The following TGFBI variants were observed in gnomAD, a reference collection of about 807,000 sequenced individuals.
TGFBI encodes the protein transforming growth factor beta induced.
A neutral mutation model predicts 73.7 loss-of-function variants in TGFBI; 50 were observed. That is an observed-to-expected ratio of 0.68 (90% confidence interval 0.54 to 0.86). The LOEUF (loss-of-function observed/expected upper bound fraction) is 0.86, where lower values mean the gene tolerates loss of function less well. TGFBI is among the 40% of genes least tolerant of loss of function. The pLI is 0.00. For synonymous variants in TGFBI, 362 were observed against 360.5 expected, an observed-to-expected ratio of 1.00 and a Z score of -0.05; for missense variants, 839 against 877.0, an observed-to-expected ratio of 0.96 and a Z score of 0.55.
At chr5:136,052,864 G>A (rs764984120) in intron 7 of TGFBI, 43 bp from the exon 8 acceptor site, 18 of 1,590,884 alleles carry the variant, frequency 1.1e-5, no homozygotes, top group African/African-American at 6.7e-5. Context: ...TGAGGTTATC[G>A]TGGAGTGGAC....
chr5:136,032,673 C>T (rs571069667), intron 1 of TGFBI, among the ~76,000 whole-genome samples: 1 of 152,260 alleles, frequency 6.6e-6, no homozygotes, highest in Non-Finnish European at 1.5e-5. Context: ...ATTTGCTTTC[C>T]TCTGACTTGT....
intron 2 of TGFBI, among the ~76,000 whole-genome samples, chr5:136,034,072 G>T (rs1027445477): frequency 1.3e-5 from 2 of 152,136 alleles, no homozygotes; most frequent in African/African-American, 4.8e-5. Flanking sequence ...ACAAGACTTG[G>T]AGACATTTTT....
chr5:136,045,572 A>C (rs1029943720), intron 3 of TGFBI, among the ~76,000 whole-genome samples: 3 of 152,050 alleles, frequency 2.0e-5, no homozygotes, highest in Admixed American at 6.6e-5. Context: ...ATAAATAAAT[A>C]AATCATGAGA....
At chr5:136,044,397 A>ACAGGCT (rs1408404214) in intron 3 of TGFBI, among the ~76,000 whole-genome samples, 5 of 152,262 alleles carry the variant, frequency 3.3e-5, no homozygotes, top group East Asian at 1.9e-4. Context: ...CCCAGCAGGC[A>ACAGGCT]CAGGCTCAGG....
Position 136,052,916 on chromosome 5 carries a change from A to G in TGFBI, c.923A>G (p.Asn308Ser), listed in dbSNP as rs746482926. 4 of 1,613,720 alleles carry G rather than the reference A, an allele frequency of 2.5e-6. No homozygotes were observed. Among genetic ancestry groups the G allele is most frequent in the Admixed American group, 1.7e-5 (1 of 60,026 alleles). Residue 308 changes from asparagine to serine, a missense_variant, in exon 8 of 17, where the codon AAC becomes AGC. Physicochemically the swap from Asn to Ser is conservative, Grantham distance 46 (BLOSUM62 1). Coordinates refer to ENST00000442011, the MANE Select transcript of TGFBI (RefSeq NM_000358.3). ...GDPEALRDLL[N>S]NHILKSAMCA... is the part of the protein sequence containing the mutation. ...TCTGTTTGGACCCCAGACCTGCTGA[A>G]CAACCACATCTTGAAGTCAGCTATG...
chr5:136,044,478 C>A (rs1226903073), intron 3 of TGFBI, among the ~76,000 whole-genome samples: 3 of 152,214 alleles, frequency 2.0e-5, no homozygotes, highest in African/African-American at 7.2e-5. Flanking sequence ...GCCTGATAGC[C>A]CATCAGTTTC....
At chr5:136,054,327 T>A (rs1161154702) in intron 9 of TGFBI, among the ~76,000 whole-genome samples, 2 of 152,170 alleles carry the variant, frequency 1.3e-5, no homozygotes, top group Non-Finnish European at 2.9e-5. Context: ...AGGCAGCCGT[T>A]CCTCAGAACT....
chr5:136,047,296 G>T lies in TGFBI; in HGVS notation c.647G>T (p.Arg216Leu), dbSNP rs373585898. 1.2e-6 allele frequency: 2 copies of T among 1,613,648 alleles called. No homozygotes were observed. The highest frequency in any genetic ancestry group is 1.7e-6 in the Non-Finnish European group (2 of 1,179,848). ...CAGATTGTAACTGTGAACTGTGCCC[G>T]GCTGCTGAAAGCCGACCACCATGCA... ...PNGIVTVNCA[R>L]LLKADHHATN... Residue 216 changes from arginine to leucine, a missense_variant, in exon 6 of 17, where the codon CGG becomes CTG. Physicochemically the swap from Arg to Leu is moderately radical, Grantham distance 102 (BLOSUM62 -2). Coordinates refer to ENST00000442011, the MANE Select transcript of TGFBI (RefSeq NM_000358.3).
chr5:136,053,890 A>G (rs1422449030), intron 8 of TGFBI, 53 bp from the exon 9 acceptor site: 1 of 1,606,886 alleles, frequency 6.2e-7, no homozygotes, highest in Non-Finnish European at 8.5e-7. Context: ...TGGATGAATG[A>G]TAAATGAAAA....
rs1472544514 is a variant in TGFBI, at chr5:136,054,881, T to C, written c.1410+20T>C. The C allele has an allele frequency of 1.9e-6, 3 of 1,611,340 alleles. No homozygotes were observed. Among genetic ancestry groups the C allele is most frequent in the Non-Finnish European group, 2.5e-6 (3 of 1,178,110 alleles). ...CGTAATGTAAGTTCTGGGTCCTAAA[T>C]CATGCTCCTGGGAAGCTCCTTACTG... On this transcript the variant is annotated intron_variant, in intron 10 of 16. Transcript: ENST00000442011.
intron 2 of TGFBI, among the ~76,000 whole-genome samples, chr5:136,043,035 A>G (rs1751366185): frequency 6.6e-6 from 1 of 152,184 alleles, no homozygotes; most frequent in Non-Finnish European, 1.5e-5. Flanking sequence ...ACCCGCTGCA[A>G]TTAAAGTCTG....
At chr5:136,061,024 G>A (rs993233953) in intron 14 of TGFBI, 88 bp downstream of exon 14, 8 of 926,448 alleles carry the variant, frequency 8.6e-6, no homozygotes, top group Non-Finnish European at 1.3e-5. Context: ...TCTAAACAAT[G>A]ATGAGAATAA....
rs1225368055 is a variant in TGFBI at position 136,054,013 on chromosome 5, C to T, written c.1197C>T (p.Gly399=). The T allele has an allele frequency of 6.2e-7, 1 of 1,613,926 alleles. No individual in the cohort carries two copies. The highest frequency in any genetic ancestry group is 8.5e-7 in the Non-Finnish European group (1 of 1,179,902). The change falls in exon 9 of 17, where the codon GGC becomes GGT. Residue 399 remains glycine (G), a synonymous_variant. Coordinates refer to ENST00000442011, the MANE Select transcript of TGFBI (RefSeq NM_000358.3). Reference sequence around the variant, plus strand: ...CCATTGACCTTTTCAGACAAGCCGGCCTCGGCAATCATCTCTCTGGAAGTG... The same window carrying T: ...CCATTGACCTTTTCAGACAAGCCGGTCTCGGCAATCATCTCTCTGGAAGTG... The part of the protein sequence containing the change: ...STAIDLFRQA[G]LGNHLSGSER...
chr5:136,046,557 G>A (rs1158268105), intron 4 of TGFBI, 62 bp downstream of exon 4: 3 of 1,509,422 alleles, frequency 2.0e-6, no homozygotes, highest in Admixed American at 2.1e-5. Flanking sequence ...TCCCCGAGGG[G>A]TGGGCATGAT....
intron 2 of TGFBI, among the ~76,000 whole-genome samples, chr5:136,036,598 G>C (rs1751225824): frequency 6.6e-6 from 1 of 152,148 alleles, no homozygotes; most frequent in African/African-American, 2.4e-5. Context: ...GGAGGCTACT[G>C]TCTGACCACC....
Position 136,055,750 on chromosome 5 carries a change from T to A in TGFBI, c.1481T>A (p.Met494Lys). 4 of 1,613,038 alleles carry A rather than the reference T, an allele frequency of 2.5e-6. No individual in the cohort carries two copies. Among genetic ancestry groups the A allele is most frequent in the Non-Finnish European group, 3.4e-6 (4 of 1,179,242 alleles). The stretch of plus-strand genomic sequence containing the variant: ...GGGAGGTACGGGACCCTGTTCACGA[T>A]GGACCGGGTGCTGACCCCCCCAATG... ...KRGRYGTLFT[M>K]DRVLTPPMGT... is the part of the protein sequence containing the mutation. Residue 494 changes from methionine to lysine, a missense_variant, in exon 11 of 17, where the codon ATG (methionine) becomes AAG (lysine). Coordinates refer to ENST00000442011, the MANE Select transcript of TGFBI (RefSeq NM_000358.3).
At chr5:136,042,294 G>A (rs868783564) in intron 2 of TGFBI, among the ~76,000 whole-genome samples, 2 of 152,310 alleles carry the variant, frequency 1.3e-5, no homozygotes, top group Middle Eastern at 6.8e-3. Context: ...AATCGTGAGT[G>A]TGAGATTGCA....
At chr5:136,051,869 A>G (rs915651145) in intron 7 of TGFBI, among the ~76,000 whole-genome samples, 3 of 152,208 alleles carry the variant, frequency 2.0e-5, no homozygotes, top group African/African-American at 4.8e-5. Context: ...TGTGGCCAGC[A>G]CGGGCTTCCA....
At chr5:136,035,796 C>T (rs972502758) in intron 2 of TGFBI, among the ~76,000 whole-genome samples, 1 of 152,082 alleles carries the variant, frequency 6.6e-6, no homozygotes, top group Non-Finnish European at 1.5e-5. Context: ...GCAAACAACT[C>T]TTCTATATCT....
Sources: gnomAD v4.1 joint callset for allele counts (sites outside exome capture counted in the v4.1 genomes callset) on GRCh38, gnomAD v4.1.1 for gene constraint, MANE v1.5 for transcripts, NCBI Gene and HGNC (gene_info 2026-07-23, HGNC 2026-07-21) for gene names.